The following PARD3B variants were observed in gnomAD, a reference collection of about 807,000 sequenced individuals.
PARD3B encodes par-3 family cell polarity regulator beta.
PARD3B carries 103 observed loss-of-function variants against 130.2 expected under a neutral mutation model. The ratio of observed to expected loss-of-function variants is 0.79; its 90% confidence interval spans 0.67 to 0.93. The LOEUF (loss-of-function observed/expected upper bound fraction) is 0.93. Among genes scored for constraint, PARD3B ranks in the 40% least tolerant of loss-of-function variants. The probability of loss-of-function intolerance (pLI) is 0.00; values close to 1 mark genes in which losing one functional copy is unlikely to be tolerated. For missense variants in PARD3B, 1,609 were observed against 1,499.2 expected (o/e 1.07, Z -1.21); for synonymous variants, 583 against 553.2 (o/e 1.05, Z -0.76).
intron 18 of PARD3B, among the ~76,000 whole-genome samples, chr2:205,307,604 T>C (rs1165004101): frequency 6.6e-6 from 1 of 152,196 alleles, no homozygotes; most frequent in Non-Finnish European, 1.5e-5. Flanking sequence ...CCCATTGCTG[T>C]CAGTCCTAGG....
chr2:204,897,385 G>GTT (rs56693580), intron 2 of PARD3B, among the ~76,000 whole-genome samples: 6,309 of 127,552 alleles, frequency 0.049, 428 homozygotes, highest in African/African-American at 0.13. Context: ...TGTAGGTACT[G>GTT]TTTTTTTTTT....
intron 13 of PARD3B, among the ~76,000 whole-genome samples, chr2:205,178,223 G>T (rs563222287): frequency 1.4e-5 from 2 of 144,220 alleles, no homozygotes; most frequent in Non-Finnish European, 3.0e-5. Flanking sequence ...AGCTACTATG[G>T]GGGGGGAAAA....
intron 18 of PARD3B, among the ~76,000 whole-genome samples, chr2:205,304,581 G>T (rs2042123706): frequency 6.7e-6 from 1 of 148,968 alleles, no homozygotes; most frequent in Admixed American, 6.8e-5. Context: ...GTTGTGGTGA[G>T]CCAAGATTGC....
At chr2:205,381,152 T>TAAAG (rs1293425836) in intron 18 of PARD3B, among the ~76,000 whole-genome samples, 4 of 98,926 alleles carry the variant, frequency 4.0e-5, no homozygotes, top group African/African-American at 1.2e-4. Flanking sequence ...ATAATATATA[T>TAAAG]AATATATATA....
chr2:204,962,583 T>C (rs1274058588), intron 2 of PARD3B, among the ~76,000 whole-genome samples: 1 of 152,170 alleles, frequency 6.6e-6, no homozygotes. Flanking sequence ...TGTTAATTAA[T>C]GAGTCTCTGT....
chr2:204,879,328 G>A (rs2045956140), intron 2 of PARD3B, among the ~76,000 whole-genome samples: 1 of 152,156 alleles, frequency 6.6e-6, no homozygotes, highest in Non-Finnish European at 1.5e-5. Flanking sequence ...AACGTCTCAG[G>A]ACATGCTCAA....
chr2:204,580,769 A>T (rs11904833), intron 1 of PARD3B, among the ~76,000 whole-genome samples: 2 of 152,174 alleles, frequency 1.3e-5, no homozygotes, highest in African/African-American at 4.8e-5. Flanking sequence ...GAAGGGCTCT[A>T]TAAGAGAGAC....
rs1470328801 is a variant in PARD3B, at chr2:205,460,243, C to T, written c.3044+19571C>T. Reference sequence around the variant, plus strand: ...GTCTAAATGCAGCTTTGAGGATATGCAGTTCGTAAATTTCCTACTGGGTCA... The same window carrying T: ...GTCTAAATGCAGCTTTGAGGATATGTAGTTCGTAAATTTCCTACTGGGTCA... On this transcript the variant is annotated intron_variant, in intron 20 of 22. Transcript: ENST00000406610. This position sits in a 1 kb window ranked among gnomAD's most constrained non-coding sequence, Gnocchi z 4.9. Among the ~76,000 whole-genome samples the T allele has an allele frequency of 2.6e-5, 4 of 152,230 alleles. No individual in the cohort carries two copies. The South Asian group carries it at 8.3e-4, about 32-fold the overall frequency.
chr2:204,705,365 T>C (rs1019601466), intron 2 of PARD3B, among the ~76,000 whole-genome samples: 6 of 152,072 alleles, frequency 3.9e-5, no homozygotes, highest in Non-Finnish European at 8.8e-5. Context: ...AAGACACACA[T>C]AGTGGAGTAA....
At chr2:204,590,462 C>T (rs893402098) in intron 1 of PARD3B, among the ~76,000 whole-genome samples, 1 of 152,148 alleles carries the variant, frequency 6.6e-6, no homozygotes, top group African/African-American at 2.4e-5. Context: ...TGCATACTCT[C>T]CTTTATTGTT....
intron 1 of PARD3B, among the ~76,000 whole-genome samples, chr2:204,577,073 G>C (rs369723864): frequency 1.3e-5 from 2 of 152,242 alleles, no homozygotes; most frequent in African/African-American, 4.8e-5. Flanking sequence ...AAATTGATCA[G>C]AGTGTATTGT....
Position 205,446,149 on chromosome 2 carries a change from A to G in PARD3B, c.3044+5477A>G, listed in dbSNP as rs2047899865. ...GGGGGACTGAAAGACTCTCAGTAAA[A>G]TAGAAACCTGGTGGGAGGGGTAAAT... On this transcript the variant is annotated intron_variant, in intron 20 of 22. Transcript: ENST00000406610. This position sits in a 1 kb window ranked among gnomAD's most constrained non-coding sequence, Gnocchi z 4.4. Among the ~76,000 whole-genome samples the G allele has an allele frequency of 6.6e-6, 1 of 152,178 alleles. No individual in the cohort carries two copies. Among genetic ancestry groups the G allele is most frequent in the African/African-American group, 2.4e-5 (1 of 41,450 alleles).
intron 22 of PARD3B, among the ~76,000 whole-genome samples, chr2:205,596,408 C>T (rs1337728482): frequency 1.3e-5 from 2 of 152,172 alleles, no homozygotes; most frequent in South Asian, 2.1e-4. Context: ...CTCCAAAGTG[C>T]TCTGCCAAAT....
At chr2:204,622,171 A>G (rs1409050012) in intron 1 of PARD3B, among the ~76,000 whole-genome samples, 1 of 152,206 alleles carries the variant, frequency 6.6e-6, no homozygotes, top group Non-Finnish European at 1.5e-5. Flanking sequence ...CAACTTGAGC[A>G]TGCCTCTCAT....
At chr2:205,081,127 T>C (rs1300608441) in intron 4 of PARD3B, among the ~76,000 whole-genome samples, 1 of 152,110 alleles carries the variant, frequency 6.6e-6, no homozygotes, top group Admixed American at 6.5e-5. Flanking sequence ...TTTAAGCTAG[T>C]TCAATCTATC....
intron 11 of PARD3B, 121 bp from the exon 12 acceptor site, chr2:205,172,090 T>C (rs1450943381): frequency 4.2e-6 from 4 of 962,032 alleles, no homozygotes; most frequent in South Asian, 1.8e-5. Context: ...AAATCACTTC[T>C]AACAGCTAGG....
chr2:204,673,442 C>G lies in PARD3B; in HGVS notation c.121-12739C>G, dbSNP rs1184681946. Among the ~76,000 whole-genome samples the G allele has an allele frequency of 6.6e-6, 1 of 152,156 alleles. No individual in the cohort carries two copies. Among genetic ancestry groups the G allele is most frequent in the African/African-American group, 2.4e-5 (1 of 41,442 alleles). ...ACTACCACTTGGTGTTTTTGCATCT[C>G]CACCAAGTTTATTCAACCTGACAAG... is the stretch of plus-strand genomic sequence containing the variant. On this transcript the variant is annotated intron_variant, in intron 1 of 22. Transcript: ENST00000406610. The surrounding 1 kb of genome is among the most constrained non-coding windows in gnomAD (Gnocchi z 4.7).
At chr2:204,776,752 A>G (rs2041639865) in intron 2 of PARD3B, among the ~76,000 whole-genome samples, 1 of 151,846 alleles carries the variant, frequency 6.6e-6, no homozygotes, top group Non-Finnish European at 1.5e-5. Flanking sequence ...AGGAATTCGG[A>G]TATTTGGGGG....
chr2:204,643,635 T>C (rs1244443957), intron 1 of PARD3B, among the ~76,000 whole-genome samples: 1 of 152,060 alleles, frequency 6.6e-6, no homozygotes, highest in East Asian at 1.9e-4. Context: ...CATCAGCTAT[T>C]GTTAGTGTTA....
Sources: gnomAD v4.1 joint callset for allele counts (sites outside exome capture counted in the v4.1 genomes callset) on GRCh38, gnomAD v4.1.1 for gene constraint, Gnocchi (gnomAD v3.1) non-coding constraint, MANE v1.5 for transcripts, NCBI Gene and HGNC (gene_info 2026-07-23, HGNC 2026-07-21) for gene names.